THTPA: variants seen among roughly 807,000 people sequenced by gnomAD.
THTPA encodes the protein thiamine triphosphatase, also known as thiamine-triphosphatase.
THTPA carries 16 observed loss-of-function variants against 16.5 expected under a neutral mutation model. That is an observed-to-expected ratio of 0.97 (90% CI 0.66 to 1.47). The LOEUF (loss-of-function observed/expected upper bound fraction) is 1.47. Ranked by LOEUF, THTPA falls within the 40% of genes most tolerant of loss-of-function variation. The pLI is 0.00. For synonymous variants in THTPA, 110 were observed against 115.5 expected (o/e 0.95, Z 0.30); for missense variants, 281 against 280.9 (o/e 1.00, Z 0.00).
At chr14:23,548,300 A>G in the THTPA span, 2 of 152,270 alleles carry the variant, frequency 1.3e-5, no homozygotes, top group East Asian at 1.9e-4. Context: ...GGTGCTCACA[A>G]ACAGGAGTTA....
At chr14:23,554,753 A>G (rs1254382648), upstream of THTPA, among the ~76,000 whole-genome samples, 1 of 152,092 alleles carries the variant, frequency 6.6e-6, no homozygotes, top group East Asian at 1.9e-4. Context: ...ATGTATTTCC[A>G]GAAACATACT....
chr14:23,556,768 G>A lies in THTPA; in HGVS notation c.11G>A (p.Gly4Asp), dbSNP rs1290174297. The A allele has an allele frequency of 3.1e-6, 5 of 1,613,162 alleles. No individual in the cohort carries two copies. Among genetic ancestry groups the A allele is most frequent in the East Asian group, 4.5e-5 (2 of 44,876 alleles). ...CCAATTGCAGGTAGCATGGCCCAGG[G>A]CTTGATTGAGGTGGAGCGAAAGTTC... MAQ[G>D]LIEVERKFLP... is the part of the protein sequence containing the mutation. Residue 4 changes from glycine (G) to aspartate (D), a missense_variant, in exon 1 of 2, where the codon GGC becomes GAC. Gly to Asp is a moderately conservative substitution (Grantham distance 94). Coordinates refer to ENST00000288014, the MANE Select transcript of THTPA (RefSeq NM_024328.6).
chr14:23,532,655 T>A, the THTPA span: 1 of 1,489,134 alleles, frequency 6.7e-7, no homozygotes, highest in Non-Finnish European at 8.9e-7. Flanking sequence ...GTCACAGATG[T>A]TGCAGCGCAG....
upstream of THTPA, chr14:23,551,286 G>A (rs1215943074): frequency 6.6e-6 from 1 of 152,568 alleles, no homozygotes; most frequent in Non-Finnish European, 1.5e-5. This position sits in a 1 kb window ranked among gnomAD's most constrained non-coding sequence, Gnocchi z 5.3. Flanking sequence ...GGGAAGAAGA[G>A]AGAGAGGGAG....
chr14:23,539,140 C>T, the THTPA span, among the ~76,000 whole-genome samples: 1 of 152,078 alleles, frequency 6.6e-6, no homozygotes, highest in Non-Finnish European at 1.5e-5. Flanking sequence ...TGCACTGTTT[C>T]GTCACAAGGC....
Position 23,557,054 on chromosome 14 carries a change from C to T in THTPA, c.297C>T (p.Asp99=), listed in dbSNP as rs768260847. 8.1e-6 allele frequency: 13 copies of T among 1,614,060 alleles called. No homozygotes were observed. The East Asian group carries it at 2.7e-4, about 33-fold the overall frequency. ...AACTCTGTAAGGTGCTGCGGGCTGACGGCCTGGGGGCTGGAGATGTGGCTG... is the reference window on the plus strand; with the variant it reads ...AACTCTGTAAGGTGCTGCGGGCTGATGGCCTGGGGGCTGGAGATGTGGCTG... The part of the protein sequence containing the change: ...VAQLCKVLRA[D]GLGAGDVAAV... The change falls in exon 1 of 2, where the codon GAC becomes GAT. Residue 99 remains aspartate (D), a synonymous_variant. Coordinates refer to ENST00000288014, the MANE Select transcript of THTPA (RefSeq NM_024328.6).
the THTPA span, chr14:23,520,851 C>G: frequency 6.6e-6 from 1 of 151,126 alleles, no homozygotes; most frequent in African/African-American, 2.4e-5. The surrounding 1 kb of genome is among the most constrained non-coding windows in gnomAD (Gnocchi z 8.7). Flanking sequence ...AAAAAAAACA[C>G]TTGTCTGATG....
At chr14:23,523,242 C>A in the THTPA span, 1 of 1,433,736 alleles carries the variant, frequency 7.0e-7, no homozygotes, top group Non-Finnish European at 9.1e-7. This position sits in a 1 kb window ranked among gnomAD's most constrained non-coding sequence, Gnocchi z 4.1. Context: ...GGGGGCTGAG[C>A]CAGAGCTGGG....
the THTPA span, chr14:23,532,729 C>T: frequency 2.2e-5 from 34 of 1,535,650 alleles, no homozygotes; most frequent in Non-Finnish European, 2.6e-5. Context: ...AAGGGGTGCC[C>T]ATGGCTCCAC....
the THTPA span, chr14:23,522,017 G>A: frequency 6.5e-7 from 1 of 1,536,416 alleles, no homozygotes; most frequent in South Asian, 1.2e-5. Flanking sequence ...GTCCGTGTGA[G>A]GTAATCTTGC....
the THTPA span, chr14:23,524,950 T>G: frequency 3.6e-5 from 56 of 1,536,182 alleles, no homozygotes; most frequent in Non-Finnish European, 4.8e-5. This position sits in a 1 kb window ranked among gnomAD's most constrained non-coding sequence, Gnocchi z 5.6. Flanking sequence ...CCCCAGTGCC[T>G]CCTCCGGTTG....
the THTPA span, chr14:23,522,420 G>GC: frequency 6.5e-7 from 1 of 1,536,494 alleles, no homozygotes; most frequent in Non-Finnish European, 8.7e-7. Flanking sequence ...GGAGCAGGCA[G>GC]TTCAGGAGGC....
the THTPA span, among the ~76,000 whole-genome samples, chr14:23,549,274 C>G: frequency 6.6e-6 from 1 of 152,154 alleles, no homozygotes; most frequent in Non-Finnish European, 1.5e-5. Flanking sequence ...ACATCCCTCA[C>G]GTCATACATT....
the THTPA span, chr14:23,535,059 G>A: frequency 6.5e-7 from 1 of 1,536,240 alleles, no homozygotes. The surrounding 1 kb of genome is among the most constrained non-coding windows in gnomAD (Gnocchi z 4.5). Flanking sequence ...CCACCCCTGG[G>A]TCATTTGGTG....
At chr14:23,547,110 C>T in the THTPA span, among the ~76,000 whole-genome samples, 16 of 152,224 alleles carry the variant, frequency 1.1e-4, no homozygotes, top group Non-Finnish European at 1.5e-5. Flanking sequence ...GTGAGTTTTA[C>T]ATCTCTTGCC....
chr14:23,539,849 T>C, the THTPA span, among the ~76,000 whole-genome samples: 43 of 152,166 alleles, frequency 2.8e-4, no homozygotes, highest in Non-Finnish European at 4.9e-4. Context: ...TGACTGGCTT[T>C]TTCCTCCCTA....
Position 23,558,766 on chromosome 14 carries a change from C to T in THTPA, c.619C>T (p.Gln207Ter). Reference sequence around the variant, plus strand: ...ACAGCGTTTCCGGCCTCAAGACTATCAGCGCCTGCTAGAAGTGAACAGCTC... The same window carrying T: ...ACAGCGTTTCCGGCCTCAAGACTATTAGCGCCTGCTAGAAGTGAACAGCTC... ...YLQRFRPQDYQRLLEVNSSRE... is the reference protein window; with the variant it reads ...YLQRFRPQDY The change falls in exon 2 of 2, where the codon CAG becomes TAG. Residue 207 changes from glutamine to a stop codon, truncating the protein, a stop_gained. Coordinates refer to ENST00000288014, the MANE Select transcript of THTPA (RefSeq NM_024328.6). LOFTEE classifies it low-confidence loss of function (END_TRUNC). 5 of 1,614,248 alleles carry T rather than the reference C, an allele frequency of 3.1e-6. No individual in the cohort carries two copies. Among genetic ancestry groups the T allele is most frequent in the South Asian group, 1.1e-5 (1 of 91,088 alleles).
the THTPA span, chr14:23,531,733 G>T: frequency 7.5e-7 from 1 of 1,328,088 alleles, no homozygotes; most frequent in Non-Finnish European, 9.7e-7. Context: ...TAGAACCATG[G>T]GAAGAGGCTG....
At chr14:23,551,078 C>T (rs980208720), upstream of THTPA, among the ~76,000 whole-genome samples, 2 of 151,974 alleles carry the variant, frequency 1.3e-5, no homozygotes, top group African/African-American at 2.4e-5. This position sits in a 1 kb window ranked among gnomAD's most constrained non-coding sequence, Gnocchi z 5.3. Flanking sequence ...TCTCCCTCCA[C>T]CCCCGCATCT....
Sources: gnomAD v4.1 joint callset for allele counts (sites outside exome capture counted in the v4.1 genomes callset) on GRCh38, gnomAD v4.1.1 for gene constraint, Gnocchi (gnomAD v3.1) non-coding constraint, MANE v1.5 for transcripts, NCBI Gene and HGNC (gene_info 2026-07-23, HGNC 2026-07-21) for gene names.